Variants in CYP20A1 observed in about 807,000 individuals in gnomAD.
The protein encoded by CYP20A1 is cytochrome P450 20A1.
In CYP20A1, 61 loss-of-function variants were observed where a neutral mutation model predicts 61.4. The observed-to-expected ratio is 0.99, with a 90% CI of 0.81 to 1.23. The LOEUF is 1.23. Ranked by LOEUF, CYP20A1 falls within the 50% of genes most tolerant of loss-of-function variation. CYP20A1 has a pLI of 0.00. For missense variants in CYP20A1, 530 were observed against 542.4 expected (o/e 0.98, Z 0.23); for synonymous variants, 193 against 188.2 (o/e 1.03, Z -0.21).
In CYP20A1 at chr2:203,301,248, CTTTCT is replaced by C. The variant is rs1434488399; in HGVS notation, c.*4354_*4358del. Among the ~76,000 whole-genome samples the C allele has an allele frequency of 5.1e-4, 73 of 143,736 alleles. No individual in the cohort carries two copies. The highest frequency in any genetic ancestry group is 3.5e-3 in the Middle Eastern group (1 of 284). 94.3% of individuals were successfully genotyped at this position (143,736 alleles called of 152,430 possible). A position where few individuals can be genotyped will look rare whatever the true frequency, so the allele number is the denominator to read the frequency against. ...AACTTTTTTTCTTTTTCTTTTCTTT[CTTTCT>C]TTTCTTTTCTTTTTTTTTTTTGAGG... On this transcript the variant is annotated 3_prime_UTR_variant, in exon 13 of 13. Transcript: ENST00000356079.
intron 6 of CYP20A1, among the ~76,000 whole-genome samples, chr2:203,276,641 G>A (rs2067833088): frequency 6.6e-6 from 1 of 152,184 alleles, no homozygotes; most frequent in African/African-American, 2.4e-5. Flanking sequence ...AGTTGCAAAA[G>A]GAGGTTGTCG....
rs552050199 is a variant in CYP20A1 at position 203,275,802 on chromosome 2, T to C, written c.680-2771T>C. Among the ~76,000 whole-genome samples the C allele has an allele frequency of 3.3e-5, 5 of 152,380 alleles. No individual in the cohort carries two copies. In the South Asian group the frequency reaches 8.3e-4, roughly 25 times the overall value. ...GATTCAATTCTATAAATATTTAATG[T>C]AGATCTGTGATATCCTGGCATGTTT... is the stretch of plus-strand genomic sequence containing the variant. On this transcript the variant is annotated intron_variant, in intron 6 of 12. Coordinates refer to ENST00000356079, the MANE Select transcript of CYP20A1 (RefSeq NM_177538.3).
intron 4 of CYP20A1, among the ~76,000 whole-genome samples, chr2:203,264,597 T>C (rs1240674543): frequency 1.3e-5 from 2 of 152,174 alleles, no homozygotes. Flanking sequence ...AATCTTTTAA[T>C]TGAAATATTC....
chr2:203,289,845 G>T lies in CYP20A1; in HGVS notation c.1052G>T (p.Gly351Val). Reference protein sequence around the residue: ...PVSAQLQDIEGKIDRFIIPRE... With the variant: ...PVSAQLQDIEVKIDRFIIPRE... ...TCTGCCCAGCTTCAAGATATTGAAG[G>T]AAAAATTGACCGATTTATTATTCCT... Residue 351 changes from glycine (G) to valine (V), a missense_variant, in exon 10 of 13, where the codon GGA becomes GTA. Transcript: ENST00000356079. 6.3e-7 allele frequency: 1 copy of T among 1,592,412 alleles called. No individual in the cohort carries two copies. Among genetic ancestry groups the T allele is most frequent in the Non-Finnish European group, 8.6e-7 (1 of 1,166,694 alleles).
At position 203,266,756 on chromosome 2, in the gene CYP20A1, T is replaced by G. The variant is rs1306366922; in HGVS notation, c.600+75T>G. On this transcript the variant is annotated intron_variant, in intron 5 of 12. Transcript: ENST00000356079. Reference sequence around the variant, plus strand: ...GCTCACACCTGTAATCCCAGCACTTTGGGAGGCTGCAGTCAGGAGTTAAAG... The same window carrying G: ...GCTCACACCTGTAATCCCAGCACTTGGGGAGGCTGCAGTCAGGAGTTAAAG... 2.3e-6 allele frequency: 3 copies of G among 1,289,224 alleles called. No homozygotes were observed. In the African/African-American group the frequency reaches 4.4e-5, roughly 19 times the overall value. 79.9% of individuals were successfully genotyped at this position (1,289,224 alleles called of 1,614,324 possible).
In CYP20A1 at chr2:203,265,339, C is replaced by T. The variant is rs546640452; in HGVS notation, c.433-1175C>T. On this transcript the variant is annotated intron_variant, in intron 4 of 12. Coordinates refer to ENST00000356079, the MANE Select transcript of CYP20A1 (RefSeq NM_177538.3). ...AGACAAAATCACCCTGGTTGAGAAC[C>T]GCTGCCCTAGAGATTACAATAGGCA... Among the ~76,000 whole-genome samples, 6 of 152,244 alleles carry T rather than the reference C, an allele frequency of 3.9e-5. 1 individual carries two copies. In the East Asian group the frequency reaches 9.6e-4, roughly 24 times the overall value.
At chr2:203,296,447 G>A in intron 11 of CYP20A1, 27 bp from the exon 12 acceptor site, 1 of 1,481,832 alleles carries the variant, frequency 6.7e-7, no homozygotes, top group Non-Finnish European at 9.4e-7. Flanking sequence ...GAGCTATATT[G>A]TGATTAACCT....
intron 11 of CYP20A1, among the ~76,000 whole-genome samples, chr2:203,293,215 TC>T (rs202177181): frequency 0.021 from 55 of 2,584 alleles, 14 homozygotes; most frequent in Admixed American, 0.051. Flanking sequence ...AATTTCTCTC[TC>T]TTTTTTTTTT....
intron 5 of CYP20A1, among the ~76,000 whole-genome samples, chr2:203,272,085 T>C (rs1252626318): frequency 6.6e-6 from 1 of 152,232 alleles, no homozygotes; most frequent in African/African-American, 2.4e-5. Flanking sequence ...TTCTTCTCCC[T>C]ACTCCTTTTA....
intron 6 of CYP20A1, among the ~76,000 whole-genome samples, chr2:203,277,843 T>C (rs765511742): frequency 6.6e-6 from 1 of 152,176 alleles, no homozygotes; most frequent in Non-Finnish European, 1.5e-5. Context: ...TTTGCTTTTC[T>C]GATTATCTCA....
At chr2:203,271,648 T>C (rs2067603535) in intron 5 of CYP20A1, among the ~76,000 whole-genome samples, 1 of 152,202 alleles carries the variant, frequency 6.6e-6, no homozygotes, top group South Asian at 2.1e-4. Flanking sequence ...TTTTAACCTT[T>C]TTCTTTACCT....
intron 4 of CYP20A1, among the ~76,000 whole-genome samples, chr2:203,255,913 G>C (rs1273828115): frequency 6.6e-6 from 1 of 152,072 alleles, no homozygotes; most frequent in African/African-American, 2.4e-5. Context: ...CACTTCCCCA[G>C]GGACGCTATC....
At chr2:203,280,016 C>T in intron 7 of CYP20A1, 43 bp from the exon 8 acceptor site, 1 of 1,435,068 alleles carries the variant, frequency 7.0e-7, no homozygotes, top group East Asian at 2.3e-5. Context: ...ATATAGGCTA[C>T]CTTACATTTT....
At chr2:203,239,459 T>G (rs1289951297) in intron 1 of CYP20A1, among the ~76,000 whole-genome samples, 1 of 152,194 alleles carries the variant, frequency 6.6e-6, no homozygotes, top group African/African-American at 2.4e-5. Context: ...GGCTCTCAAG[T>G]ACTTTGGGCA....
chr2:203,293,649 A>T (rs1321078500), intron 11 of CYP20A1, among the ~76,000 whole-genome samples: 1 of 151,512 alleles, frequency 6.6e-6, no homozygotes, highest in Admixed American at 6.6e-5. Flanking sequence ...TTTTGGTGCA[A>T]CCGTCACCCA....
At chr2:203,291,580 C>T (rs1359167679) in intron 10 of CYP20A1, among the ~76,000 whole-genome samples, 1 of 151,874 alleles carries the variant, frequency 6.6e-6, no homozygotes, top group Non-Finnish European at 1.5e-5. Flanking sequence ...TTCTAGTGAG[C>T]TTATATATAT....
intron 7 of CYP20A1, among the ~76,000 whole-genome samples, chr2:203,279,680 A>G (rs1256926818): frequency 6.6e-6 from 1 of 152,186 alleles, no homozygotes; most frequent in Non-Finnish European, 1.5e-5. Flanking sequence ...CTGAGGCTTC[A>G]TTGCTGTTTA....
At chr2:203,285,113 T>G (rs1377444799) in intron 8 of CYP20A1, among the ~76,000 whole-genome samples, 1 of 152,010 alleles carries the variant, frequency 6.6e-6, no homozygotes, top group Admixed American at 6.6e-5. Context: ...ACTCACAAAT[T>G]TTGAGCCAGT....
At position 203,239,154 on chromosome 2, in the gene CYP20A1, T is replaced by G. The variant is rs919278984; in HGVS notation, c.72+20T>G. 2.5e-6 allele frequency: 4 copies of G among 1,608,034 alleles called. No homozygotes were observed. The African/African-American group carries it at 4.0e-5, about 16-fold the overall frequency. On this transcript the variant is annotated intron_variant, in intron 1 of 12. Transcript: ENST00000356079. ...TATCCGGTGAGCGCCGTCTTGGCTC[T>G]CTGGGGCCCCGGGCGCCGCCCCAGT... is the stretch of plus-strand genomic sequence containing the variant.
Sources: gnomAD v4.1 joint callset for allele counts (sites outside exome capture counted in the v4.1 genomes callset) on GRCh38, gnomAD v4.1.1 for gene constraint, MANE v1.5 for transcripts, NCBI Gene and HGNC (gene_info 2026-07-23, HGNC 2026-07-21) for gene names.